Variants in GSTA1 observed in about 807,000 individuals in gnomAD.
GSTA1 encodes the protein glutathione S-transferase A1.
A neutral mutation model predicts 21.5 loss-of-function variants in GSTA1; 23 were observed. That is an observed-to-expected ratio of 1.07 (90% CI 0.77 to 1.52). The LOEUF is 1.52. Ranked by LOEUF, GSTA1 falls within the 40% of genes most tolerant of loss-of-function variation. The probability of loss-of-function intolerance (pLI) is 0.00; values close to 1 mark genes in which losing one functional copy is unlikely to be tolerated. For missense variants in GSTA1, 301 were observed against 264.2 expected (o/e 1.14, Z -0.96); for synonymous variants, 125 against 90.0 (o/e 1.39, Z -2.20).
At chr6:52,794,545 T>C (rs1159371285) in intron 4 of GSTA1, among the ~76,000 whole-genome samples, 1 of 152,184 alleles carries the variant, frequency 6.6e-6, no homozygotes, top group East Asian at 1.9e-4. Context: ...ATTGGCAGAA[T>C]CACTGCCAGT....
intron 4 of GSTA1, 45 bp downstream of exon 4, chr6:52,796,137 C>T: frequency 6.2e-7 from 1 of 1,610,950 alleles, no homozygotes; most frequent in South Asian, 1.1e-5. Context: ...GGACCTAAAT[C>T]ACTCTGTGTT....
chr6:52,797,094 A>G (rs1763609668), intron 3 of GSTA1, among the ~76,000 whole-genome samples: 1 of 152,174 alleles, frequency 6.6e-6, no homozygotes, highest in Admixed American at 6.5e-5. Flanking sequence ...GTGACATTTA[A>G]GGCAGGTTCT....
chr6:52,793,393 A>G (rs4147614), intron 5 of GSTA1, among the ~76,000 whole-genome samples: 40,006 of 151,808 alleles, frequency 0.26, 6,634 homozygotes, highest in Non-Finnish European at 0.36. Flanking sequence ...CAGTGACTCC[A>G]CCTTCATGAC....
chr6:52,800,587 G>A (rs541947661), intron 1 of GSTA1, among the ~76,000 whole-genome samples: 2 of 152,340 alleles, frequency 1.3e-5, no homozygotes, highest in South Asian at 2.1e-4. Context: ...CATCAGTGAA[G>A]TTTGATAGCC....
rs191448797 is a variant in GSTA1, at chr6:52,797,575, A to G, written c.139+11T>C. On this transcript the variant is annotated intron_variant, in intron 3 of 6. Transcript: ENST00000334575. Reference sequence around the variant, plus strand: ...ATACCCTCATCAGAGGAACTTAGAGATTGATCTTACCATTTCTTAACTTGT... The same window carrying G: ...ATACCCTCATCAGAGGAACTTAGAGGTTGATCTTACCATTTCTTAACTTGT... 451 of 1,603,036 alleles carry G rather than the reference A, an allele frequency of 2.8e-4. No homozygotes were observed. The East Asian group carries it at 4.0e-3, about 14-fold the overall frequency.
At chr6:52,796,086 C>G (rs551428086) in intron 4 of GSTA1, 96 bp downstream of exon 4, 18 of 1,579,442 alleles carry the variant, frequency 1.1e-5, no homozygotes, top group African/African-American at 6.8e-5. Context: ...CAGCCTGCTG[C>G]TGGTCATGAT....
At position 52,792,825 on chromosome 6, in the gene GSTA1, G is replaced by A. The variant is rs751929082; in HGVS notation, c.546+31C>T. 6.2e-6 allele frequency: 10 copies of A among 1,613,384 alleles called. No homozygotes were observed. In the African/African-American group the frequency reaches 1.2e-4, roughly 19 times the overall value. ...CAAGATCCCAAGATGGGAGATGTGG[G>A]GCTGCCTCTCTGGGCTGTGAAATGG... On this transcript the variant is annotated intron_variant, in intron 6 of 6. Coordinates refer to ENST00000334575, the MANE Select transcript of GSTA1 (RefSeq NM_145740.5).
chr6:52,796,621 G>A (rs1328008449), intron 3 of GSTA1, among the ~76,000 whole-genome samples: 1 of 142,888 alleles, frequency 7.0e-6, no homozygotes, highest in African/African-American at 2.6e-5. Flanking sequence ...TTGGCTCACT[G>A]TAACTTCTGC....
At chr6:52,799,961 T>C (rs1763676151) in intron 1 of GSTA1, among the ~76,000 whole-genome samples, 1 of 152,178 alleles carries the variant, frequency 6.6e-6, no homozygotes, top group Admixed American at 6.5e-5. Context: ...AACCAGAAAT[T>C]AGGCCTCAGA....
intron 2 of GSTA1, 135 bp downstream of exon 2, chr6:52,799,046 A>T (rs1336047427): frequency 6.2e-6 from 5 of 811,190 alleles, no homozygotes; most frequent in African/African-American, 1.7e-5. Flanking sequence ...AAATCTGTTC[A>T]TCTTTTTCTT....
intron 1 of GSTA1, among the ~76,000 whole-genome samples, chr6:52,803,297 G>T (rs1185293197): frequency 6.6e-6 from 1 of 152,134 alleles, no homozygotes; most frequent in Non-Finnish European, 1.5e-5. Flanking sequence ...GAGCTAATTA[G>T]TGGCAAAGGC....
rs189150854 is a variant in GSTA1, at chr6:52,799,082, C to T, written c.87+99G>A. 5.7e-4 allele frequency: 626 copies of T among 1,098,838 alleles called. 1 individual carries two copies. Among genetic ancestry groups the T allele is most frequent in the Non-Finnish European group, 1.2e-4 (84 of 722,638 alleles). 68.1% of individuals were successfully genotyped at this position (1,098,838 alleles called of 1,614,324 possible). ...AATTACAGTCCATTTTTATTTAAGG[C>T]ACAATGCTTCAGTAAGCAACATCTC... On this transcript the variant is annotated intron_variant, in intron 2 of 6. Coordinates refer to ENST00000334575, the MANE Select transcript of GSTA1 (RefSeq NM_145740.5).
chr6:52,794,061 C>T, intron 5 of GSTA1, 64 bp downstream of exon 5: 4 of 1,598,816 alleles, frequency 2.5e-6, no homozygotes, highest in Non-Finnish European at 3.4e-6. Context: ...CAGGAATGCC[C>T]AGCCACTATT....
chr6:52,802,308 T>G (rs1763737363), intron 1 of GSTA1, among the ~76,000 whole-genome samples: 1 of 152,210 alleles, frequency 6.6e-6, no homozygotes, highest in Admixed American at 6.5e-5. Flanking sequence ...TGACACTGTT[T>G]CTTATCAGAG....
chr6:52,792,020 G>A (rs1466924054), intron 6 of GSTA1, 40 bp from the exon 7 acceptor site: 1 of 1,611,622 alleles, frequency 6.2e-7, no homozygotes. Flanking sequence ...GAAGCCAAGG[G>A]CTGACACCAC....
chr6:52,792,626 TA>T, intron 6 of GSTA1: 1 of 1,100,532 alleles, frequency 9.1e-7, no homozygotes. Context: ...GTTCTTTCCA[TA>T]ATAAAGGGCA....
At chr6:52,796,949 T>C (rs1763606521) in intron 3 of GSTA1, among the ~76,000 whole-genome samples, 1 of 152,164 alleles carries the variant, frequency 6.6e-6, no homozygotes. Flanking sequence ...TCCAGATACA[T>C]AGTGGGACTC....
At chr6:52,793,989 T>G (rs1763516866) in intron 5 of GSTA1, 136 bp downstream of exon 5, 1 of 1,035,814 alleles carries the variant, frequency 9.7e-7, no homozygotes, top group East Asian at 2.4e-5. Context: ...ATAAAATGCC[T>G]TGAGAGTCAG....
rs1051558 is a variant in GSTA1 at position 52,799,239 on chromosome 6, A to G, written c.29T>C (p.Phe10Ser). The G allele has an allele frequency of 2.7e-5, 44 of 1,613,798 alleles. 1 individual carries two copies. In the Admixed American group the frequency reaches 4.3e-4, roughly 16 times the overall value. Residue 10 changes from phenylalanine to serine, a missense_variant, in exon 2 of 7, where the codon TTC (phenylalanine) becomes TCC (serine). Transcript: ENST00000334575. MAEKPKLHY[F>S]NARGRMESTR... ...GGACTCCATTCTGCCCCGTGCATTG[A>G]AGTAGTGGAGCTTGGGCTTCTCTGC...
Sources: allele counts gnomAD v4.1 joint callset (sites outside exome capture counted in the v4.1 genomes callset), GRCh38; gene constraint gnomAD v4.1.1; transcripts MANE v1.5; gene names NCBI Gene and HGNC (gene_info 2026-07-23, HGNC 2026-07-21).